The following TAB2 variants were observed in gnomAD, a reference collection of about 807,000 sequenced individuals.
The protein encoded by TAB2 is TGF-beta activated kinase 1 (MAP3K7) binding protein 2.
Under a neutral mutation model 65.0 loss-of-function variants are expected in TAB2, and 3 were observed. The observed-to-expected ratio is 0.05, with a 90% CI of 0.02 to 0.12. The LOEUF (loss-of-function observed/expected upper bound fraction) is 0.12, where lower values mean the gene tolerates loss of function less well. TAB2 is among the 10% of genes least tolerant of loss of function. TAB2 has a pLI of 1.00. For missense variants in TAB2, 623 were observed against 840.3 expected, an observed-to-expected ratio of 0.74 and a Z score of 3.20; for synonymous variants, 298 against 285.1, an observed-to-expected ratio of 1.05 and a Z score of -0.46.
intron 1 of TAB2, among the ~76,000 whole-genome samples, chr6:149,252,682 A>G (rs1777885843): frequency 6.6e-6 from 1 of 152,206 alleles, no homozygotes; most frequent in South Asian, 2.1e-4. Flanking sequence ...ACTGAAGACA[A>G]GTATTTGCTC....
rs190862604 is a variant in TAB2, at chr6:149,302,883, G to A, written c.-120-75135G>A. On this transcript the variant is annotated intron_variant, in intron 1 of 1. Transcript: ENST00000606202. ...TGGGCCACACAGCAGGAAGTGAGCA[G>A]CAGGTGAGCCAGTGAAGCTTCATCT... Among the ~76,000 whole-genome samples, 182 of 152,374 alleles carry A rather than the reference G, an allele frequency of 1.2e-3. 1 individual carries two copies. The highest frequency in any genetic ancestry group is 3.4e-3 in the Middle Eastern group (1 of 294).
chr6:149,279,523 T>C lies in TAB2; in HGVS notation c.-121+60747T>C, dbSNP rs146182221. ...ACACGTGGCAATGTCTGACATTGTT[T>C]TGCTTGTCACAATGGGATTTGGAGG... On this transcript the variant is annotated intron_variant, in intron 1 of 1. Transcript: ENST00000606202. Among the ~76,000 whole-genome samples, 1,344 of 152,274 alleles carry C rather than the reference T, an allele frequency of 8.8e-3. 19 individuals carry two copies. The highest frequency in any genetic ancestry group is 0.03 in the African/African-American group (1,235 of 41,552).
intron 6 of TAB2, among the ~76,000 whole-genome samples, chr6:149,403,006 G>A (rs200699775): frequency 3.3e-5 from 5 of 151,786 alleles, no homozygotes; most frequent in African/African-American, 7.3e-5. Context: ...AGACCGAGGC[G>A]GGTGGGTCAC....
chr6:149,271,331 T>G (rs1778360885), intron 1 of TAB2, among the ~76,000 whole-genome samples: 1 of 152,168 alleles, frequency 6.6e-6, no homozygotes, highest in Non-Finnish European at 1.5e-5. Flanking sequence ...GTAAATAATT[T>G]CATTGGTGTG....
intron 1 of TAB2, among the ~76,000 whole-genome samples, chr6:149,331,873 G>A (rs919374201): frequency 1.3e-5 from 2 of 152,128 alleles, no homozygotes; most frequent in Admixed American, 6.6e-5. Flanking sequence ...GTAGACTTTG[G>A]AGATAGAGCA....
chr6:149,326,126 T>C (rs1347180078), intron 1 of TAB2, among the ~76,000 whole-genome samples: 2 of 152,198 alleles, frequency 1.3e-5, no homozygotes, highest in Non-Finnish European at 2.9e-5. Context: ...AGTAAACAAA[T>C]TGTATTATTA....
intron 1 of TAB2, among the ~76,000 whole-genome samples, chr6:149,275,263 AG>A (rs1176256602): frequency 1.3e-5 from 2 of 148,880 alleles, no homozygotes; most frequent in Non-Finnish European, 3.0e-5. Flanking sequence ...AAAGAAAGAA[AG>A]AAAGAAAGAA....
chr6:149,366,552 C>G (rs564744080), intron 1 of TAB2, among the ~76,000 whole-genome samples: 1 of 152,194 alleles, frequency 6.6e-6, no homozygotes, highest in South Asian at 2.1e-4. Flanking sequence ...GGGACCTGCT[C>G]TCTGAGTAAA....
chr6:149,340,002 T>C (rs1780065693), intron 1 of TAB2, among the ~76,000 whole-genome samples: 1 of 152,214 alleles, frequency 6.6e-6, no homozygotes, highest in Non-Finnish European at 1.5e-5. Flanking sequence ...GTGTTAAACT[T>C]TTATTCAGAT....
At chr6:149,250,374 C>T (rs758468320) in intron 1 of TAB2, among the ~76,000 whole-genome samples, 2 of 151,950 alleles carry the variant, frequency 1.3e-5, no homozygotes, top group South Asian at 2.1e-4. Context: ...GGCGCAATCT[C>T]GGCTCACTGC....
intron 5 of TAB2, 105 bp from the exon 6 acceptor site, chr6:149,398,999 G>A (rs1782272710): frequency 3.1e-6 from 3 of 958,918 alleles, no homozygotes; most frequent in Admixed American, 2.2e-5. Flanking sequence ...TAAATGAAAA[G>A]CATTTCTTAT....
At chr6:149,380,311 C>T (rs1311378908) in intron 3 of TAB2, among the ~76,000 whole-genome samples, 3 of 152,122 alleles carry the variant, frequency 2.0e-5, no homozygotes, top group South Asian at 2.1e-4. Context: ...TCTATTACTG[C>T]GTAAGTATTA....
chr6:149,317,115 C>A (rs1779274906), upstream of TAB2, among the ~76,000 whole-genome samples: 1 of 151,530 alleles, frequency 6.6e-6, no homozygotes, highest in African/African-American at 2.4e-5. This position sits in a 1 kb window ranked among gnomAD's most constrained non-coding sequence, Gnocchi z 4.7. Flanking sequence ...ACTTCCGGAC[C>A]CGGCCAGCCC....
intron 1 of TAB2, chr6:149,245,548 G>T (rs926654669): frequency 2.0e-5 from 3 of 151,278 alleles, no homozygotes; most frequent in African/African-American, 4.9e-5. Context: ...ACAACTCATG[G>T]TTATATAAAT....
At chr6:149,276,554 A>T (rs1484774549) in intron 1 of TAB2, among the ~76,000 whole-genome samples, 6 of 152,236 alleles carry the variant, frequency 3.9e-5, no homozygotes, top group African/African-American at 4.8e-5. Context: ...ATATATTTTT[A>T]AAAATCCTAC....
intron 1 of TAB2, among the ~76,000 whole-genome samples, chr6:149,222,591 T>A (rs1777172306): frequency 6.6e-6 from 1 of 150,402 alleles, no homozygotes; most frequent in Non-Finnish European, 1.5e-5. Flanking sequence ...GCACTCCAGC[T>A]TGGGCAACAG....
intron 3 of TAB2, among the ~76,000 whole-genome samples, chr6:149,386,618 A>G (rs895459904): frequency 6.6e-6 from 1 of 152,254 alleles, no homozygotes; most frequent in Non-Finnish European, 1.5e-5. Flanking sequence ...ATGCCATTAT[A>G]TAAATACACT....
intron 1 of TAB2, among the ~76,000 whole-genome samples, chr6:149,348,585 TCA>T (rs1780380129): frequency 6.7e-6 from 1 of 148,792 alleles, no homozygotes; most frequent in Non-Finnish European, 1.5e-5. Flanking sequence ...CTATGCAAAG[TCA>T]CACAAAAAAA....
chr6:149,351,198 C>G (rs1780478613), intron 1 of TAB2, among the ~76,000 whole-genome samples: 1 of 152,182 alleles, frequency 6.6e-6, no homozygotes, highest in Admixed American at 6.5e-5. Flanking sequence ...CTTTGCACAA[C>G]CTAGTACTGT....
Sources: gnomAD v4.1 joint callset for allele counts (sites outside exome capture counted in the v4.1 genomes callset) on GRCh38, gnomAD v4.1.1 for gene constraint, Gnocchi (gnomAD v3.1) non-coding constraint, MANE v1.5 for transcripts, NCBI Gene and HGNC (gene_info 2026-07-23, HGNC 2026-07-21) for gene names.